Variants in SEC62 observed in about 807,000 individuals in gnomAD.
SEC62 encodes translocation protein SEC62.
SEC62 carries 10 observed loss-of-function variants against 47.5 expected under a neutral mutation model. The ratio of observed to expected loss-of-function variants is 0.21; its 90% CI spans 0.13 to 0.36. SEC62 has a LOEUF of 0.36. SEC62 is among the 10% of genes least tolerant of loss of function. The pLI, the probability that SEC62 is intolerant of heterozygous loss-of-function variation, is 1.00. For missense variants in SEC62, 327 were observed against 464.1 expected, an observed-to-expected ratio of 0.70 and a Z score of 2.71; for synonymous variants, 136 against 150.5, an observed-to-expected ratio of 0.90 and a Z score of 0.71.
intron 3 of SEC62, among the ~76,000 whole-genome samples, chr3:169,980,354 T>C (rs1042954673): frequency 4.2e-5 from 6 of 144,398 alleles, no homozygotes; most frequent in Non-Finnish European, 6.2e-5. Flanking sequence ...TGTAAAAATG[T>C]CAGAGAGTTT....
At position 169,993,196 on chromosome 3, in the gene SEC62, C is replaced by T. The variant is rs1715289045; in HGVS notation, c.*133C>T. Reference sequence around the variant, plus strand: ...TACTGAAATGTATTTGACATTCAAGCAGTTATATTCGGTCCTTCATTTTAT... The same window carrying T: ...TACTGAAATGTATTTGACATTCAAGTAGTTATATTCGGTCCTTCATTTTAT... On this transcript the variant is annotated 3_prime_UTR_variant, in exon 8 of 8. Transcript: ENST00000337002. 1.5e-6 allele frequency: 1 copy of T among 683,602 alleles called. No homozygotes were observed. Among genetic ancestry groups the T allele is most frequent in the Non-Finnish European group, 2.4e-6 (1 of 409,694 alleles). 42.3% of individuals were successfully genotyped at this position (683,602 alleles called of 1,614,324 possible).
At position 169,982,653 on chromosome 3, in the gene SEC62, T is replaced by C. The variant is rs767083342; in HGVS notation, c.252-54T>C. The C allele has an allele frequency of 8.2e-6, 13 of 1,587,780 alleles. No individual in the cohort carries two copies. In the Admixed American group the frequency reaches 2.0e-4, roughly 25 times the overall value. Reference sequence around the variant, plus strand: ...TTTATTCAGGTCTTGATATTTTTGCTTTTCAGTCTCTATCTATATGGGGAG... The same window carrying C: ...TTTATTCAGGTCTTGATATTTTTGCCTTTCAGTCTCTATCTATATGGGGAG... On this transcript the variant is annotated intron_variant, in intron 3 of 7. Transcript: ENST00000337002.
Position 169,998,200 on chromosome 3 carries a change from A to G in SEC62, c.*5137A>G, listed in dbSNP as rs769307564. On this transcript the variant is annotated 3_prime_UTR_variant, in exon 8 of 8. Coordinates refer to ENST00000337002, the MANE Select transcript of SEC62 (RefSeq NM_003262.4). Reference sequence around the variant, plus strand: ...CTGCCCTAGCTAATCAGATCCACCAATGTTTCAAATAGGACTATAACTTAT... The same window carrying G: ...CTGCCCTAGCTAATCAGATCCACCAGTGTTTCAAATAGGACTATAACTTAT... 7.9e-5 allele frequency: 12 copies of G among 152,312 alleles called. No individual in the cohort carries two copies. Among genetic ancestry groups the G allele is most frequent in the South Asian group, 2.1e-4 (1 of 4,826 alleles). 9.4% of individuals were successfully genotyped at this position (152,312 alleles called of 1,614,324 possible).
chr3:169,966,969 GGGT>G, intron 1 of SEC62, 111 bp downstream of exon 1: 1 of 1,081,126 alleles, frequency 9.2e-7, no homozygotes. Context: ...GGGTGGGGTG[GGGT>G]GGGGTTCCGC....
intron 1 of SEC62, among the ~76,000 whole-genome samples, chr3:169,974,790 T>C (rs868506059): frequency 4.6e-5 from 7 of 152,332 alleles, no homozygotes; most frequent in Middle Eastern, 6.8e-3. Flanking sequence ...GTAGTTCTTA[T>C]GGCTACCACA....
At chr3:169,984,963 G>C (rs947575912) in intron 5 of SEC62, among the ~76,000 whole-genome samples, 5 of 152,126 alleles carry the variant, frequency 3.3e-5, no homozygotes, top group Admixed American at 3.3e-4. Flanking sequence ...TTTTGAAGTA[G>C]TGGTTCCCAG....
rs748313619 is a variant in SEC62, at chr3:169,988,381, T to C, written c.730+22T>C. On this transcript the variant is annotated intron_variant, in intron 7 of 7. Coordinates refer to ENST00000337002, the MANE Select transcript of SEC62 (RefSeq NM_003262.4). Reference sequence around the variant, plus strand: ...GTTGGTAAGTATTGTTATTATAAAATTGACCTCAAGAAGGTTGGTATTGAG... The same window carrying C: ...GTTGGTAAGTATTGTTATTATAAAACTGACCTCAAGAAGGTTGGTATTGAG... 4.3e-6 allele frequency: 7 copies of C among 1,612,550 alleles called. 1 individual carries two copies. In the Admixed American group the frequency reaches 1.2e-4, roughly 27 times the overall value.
At chr3:169,978,236 G>A (rs138443472) in intron 3 of SEC62, among the ~76,000 whole-genome samples, 183 of 151,998 alleles carry the variant, frequency 1.2e-3, no homozygotes, top group African/African-American at 4.1e-3. Flanking sequence ...CCGAGGTTGC[G>A]CCACTGCACT....
At position 169,993,422 on chromosome 3, in the gene SEC62, CAAAG is replaced by C. The variant is rs1715294922; in HGVS notation, c.*363_*366del. 5.7e-6 allele frequency: 1 copy of C among 175,024 alleles called. No homozygotes were observed. The highest frequency in any genetic ancestry group is 5.8e-5 in the Admixed American group (1 of 17,108). 10.8% of individuals were successfully genotyped at this position (175,024 alleles called of 1,614,324 possible). A position where few individuals can be genotyped will look rare whatever the true frequency, so the allele number is the denominator to read the frequency against. On this transcript the variant is annotated 3_prime_UTR_variant, in exon 8 of 8. Transcript: ENST00000337002. ...TAATCAAAAATAACTTTAAAAGGAA[CAAAG>C]AAACTCCAACATTTCACATTATGCA...
In SEC62 at chr3:169,982,787, A is replaced by G. The variant is rs372456767; in HGVS notation, c.332A>G (p.Asp111Gly). Residue 111 changes from aspartate to glycine, a missense_variant, in exon 4 of 8, where the codon GAT becomes GGT. Asp to Gly is a moderately conservative substitution (Grantham distance 94). Coordinates refer to ENST00000337002, the MANE Select transcript of SEC62 (RefSeq NM_003262.4). The part of the protein sequence containing the change: ...KYDKDIKKEK[D>G]KGKAESGKEE... Reference sequence around the variant, plus strand: ...GATAAAGACATAAAGAAAGAAAAAGATAAAGGAAAAGCTGAAAGTGGAAAA... The same window carrying G: ...GATAAAGACATAAAGAAAGAAAAAGGTAAAGGAAAAGCTGAAAGTGGAAAA... 1 of 1,603,972 alleles carries G rather than the reference A, an allele frequency of 6.2e-7. No homozygotes were observed. Among genetic ancestry groups the G allele is most frequent in the Admixed American group, 1.7e-5 (1 of 59,282 alleles).
intron 1 of SEC62, among the ~76,000 whole-genome samples, chr3:169,971,826 T>C (rs748003110): frequency 6.6e-6 from 1 of 152,230 alleles, no homozygotes; most frequent in Non-Finnish European, 1.5e-5. Flanking sequence ...TATTCAGGAA[T>C]GGTATAACTG....
intron 5 of SEC62, 92 bp from the exon 6 acceptor site, chr3:169,985,713 A>T: frequency 1.1e-6 from 1 of 889,886 alleles, no homozygotes; most frequent in South Asian, 1.9e-5. Context: ...GAGGTTGATG[A>T]CTGCTTTAAG....
intron 3 of SEC62, among the ~76,000 whole-genome samples, chr3:169,981,077 T>C (rs1714961451): frequency 6.6e-6 from 1 of 152,216 alleles, no homozygotes; most frequent in South Asian, 2.1e-4. Flanking sequence ...TAAATCCCAC[T>C]TTGTACTCAT....
At chr3:169,968,181 A>G (rs1476894091) in intron 1 of SEC62, among the ~76,000 whole-genome samples, 1 of 152,200 alleles carries the variant, frequency 6.6e-6, no homozygotes, top group Admixed American at 6.5e-5. Flanking sequence ...GTGGGTATAC[A>G]GTATTTTATT....
chr3:169,975,470 A>G lies in SEC62; in HGVS notation c.37-138A>G, dbSNP rs1169403835. On this transcript the variant is annotated intron_variant, in intron 1 of 7. Coordinates refer to ENST00000337002, the MANE Select transcript of SEC62 (RefSeq NM_003262.4). ...ATTTTTGTCTTTTGAATACTTTATTAGGTCGCTCCAGAGAAAGCTTGAAAG... is the reference window on the plus strand; with the variant it reads ...ATTTTTGTCTTTTGAATACTTTATTGGGTCGCTCCAGAGAAAGCTTGAAAG... The G allele has an allele frequency of 5.6e-6, 3 of 540,240 alleles. No homozygotes were observed. In the East Asian group the frequency reaches 8.9e-5, roughly 16 times the overall value. The allele number at this position is 540,240 out of a possible 1,614,324, so 33.5% of individuals were successfully genotyped here. A position where few individuals can be genotyped will look rare whatever the true frequency, so the allele number is the denominator to read the frequency against.
rs1243907952 is a variant in SEC62, at chr3:169,993,783, G to C, written c.*720G>C. 6.6e-6 allele frequency: 1 copy of C among 152,638 alleles called. No homozygotes were observed. The highest frequency in any genetic ancestry group is 1.5e-5 in the Non-Finnish European group (1 of 68,028). The allele number at this position is 152,638 out of a possible 1,614,324, so 9.5% of individuals were successfully genotyped here. ...CCCCATTTCATTGGCGTAACGTAAA[G>C]TGTATTCTGTACATAATTTACAAAT... On this transcript the variant is annotated 3_prime_UTR_variant, in exon 8 of 8. Transcript: ENST00000337002.
intron 1 of SEC62, among the ~76,000 whole-genome samples, chr3:169,973,696 G>A (rs569097030): frequency 1.3e-5 from 2 of 151,778 alleles, no homozygotes; most frequent in South Asian, 2.1e-4. Context: ...TTTGTGATAC[G>A]TATTTTCATA....
intron 5 of SEC62, among the ~76,000 whole-genome samples, chr3:169,984,677 C>T (rs1715057079): frequency 6.6e-6 from 1 of 152,006 alleles, no homozygotes; most frequent in East Asian, 1.9e-4. Flanking sequence ...AGAATGGAAA[C>T]TGGCAGAAGT....
rs554387288 is a variant in SEC62 at position 169,980,991 on chromosome 3, A to G, written c.252-1716A>G. 1.0e-3 allele frequency among the ~76,000 whole-genome samples: 158 copies of G among 152,330 alleles called. 1 individual carries two copies. Among genetic ancestry groups the G allele is most frequent in the African/African-American group, 3.7e-3 (152 of 41,578 alleles). Reference sequence around the variant, plus strand: ...GAAAATTAGAATATATTTTCATTATAGATTTTTTTTGTAAGACATTCTGGA... The same window carrying G: ...GAAAATTAGAATATATTTTCATTATGGATTTTTTTTGTAAGACATTCTGGA... On this transcript the variant is annotated intron_variant, in intron 3 of 7. Transcript: ENST00000337002.
Sources: allele counts gnomAD v4.1 joint callset (sites outside exome capture counted in the v4.1 genomes callset), GRCh38; gene constraint gnomAD v4.1.1; transcripts MANE v1.5; gene names NCBI Gene and HGNC (gene_info 2026-07-23, HGNC 2026-07-21).